Variants in FANCC observed in about 807,000 individuals in gnomAD.
FANCC encodes the protein Fanconi anemia group C protein.
FANCC carries 55 observed loss-of-function variants against 71.3 expected under a neutral mutation model. The observed-to-expected ratio is 0.77, with a 90% CI of 0.62 to 0.97. FANCC has a LOEUF of 0.97. Among genes scored for constraint, FANCC ranks in the 50% least tolerant of loss-of-function variants. FANCC has a pLI of 0.00. For missense variants in FANCC, 678 were observed against 670.9 expected (o/e 1.01, Z -0.12); for synonymous variants, 275 against 244.9 (o/e 1.12, Z -1.15).
intron 6 of FANCC, among the ~76,000 whole-genome samples, chr9:95,160,711 T>C (rs1352229588): frequency 6.6e-6 from 1 of 152,212 alleles, no homozygotes; most frequent in Admixed American, 6.5e-5. Context: ...CCTTGAGCAG[T>C]GGTTTGTAGT....
At position 95,126,525 on chromosome 9, in the gene FANCC, T is replaced by G. The variant is rs1214530079; in HGVS notation, c.896+4A>C. ...ATTACTAGAAGAAACAGTGTAACGT[T>G]TACCTGAACATCTCATCAACAACCC... is the stretch of plus-strand genomic sequence containing the variant. On this transcript the variant is annotated splice_donor_region_variant and intron_variant, in intron 9 of 14. Transcript: ENST00000289081. The G allele has an allele frequency of 6.2e-7, 1 of 1,613,666 alleles. No homozygotes were observed. Among genetic ancestry groups the G allele is most frequent in the Non-Finnish European group, 8.5e-7 (1 of 1,179,730 alleles).
In FANCC at chr9:95,114,692, C is replaced by T; in HGVS notation, c.1091G>A (p.Trp364Ter). Residue 364 changes from tryptophan (W) to a stop codon, truncating the protein, a stop_gained, in exon 12 of 15, where the codon TGG becomes TAG. Coordinates refer to ENST00000289081, the MANE Select transcript of FANCC (RefSeq NM_000136.3). LOFTEE classifies it high-confidence loss of function. ...QDPQDIPRGH[W>*]LQTLKHISEL... ...AGAAATATGCTTCAGTGTCTGGAGC[C>T]AGTGTCCCCGAGGGATATCTGCGGG... The T allele has an allele frequency of 6.2e-7, 1 of 1,614,080 alleles. No homozygotes were observed. Among genetic ancestry groups the T allele is most frequent in the Non-Finnish European group, 8.5e-7 (1 of 1,179,946 alleles).
At chr9:95,234,089 A>T (rs1490914787) in intron 4 of FANCC, among the ~76,000 whole-genome samples, 1 of 152,232 alleles carries the variant, frequency 6.6e-6, no homozygotes. Context: ...CCCTGCAAAG[A>T]AGTCAGAGAT....
At chr9:95,222,129 G>C (rs923881845) in intron 4 of FANCC, among the ~76,000 whole-genome samples, 3 of 129,380 alleles carry the variant, frequency 2.3e-5, no homozygotes, top group African/African-American at 8.9e-5. Context: ...AGATGTTTAA[G>C]TCCAGCCTGA....
intron 6 of FANCC, 28 bp from the exon 7 acceptor site, chr9:95,150,115 C>T: frequency 6.2e-7 from 1 of 1,612,890 alleles, no homozygotes; most frequent in Non-Finnish European, 8.5e-7. Context: ...AATAATCACT[C>T]AAATCTAAGA....
chr9:95,161,350 A>C (rs564010004), intron 6 of FANCC, among the ~76,000 whole-genome samples: 51 of 152,340 alleles, frequency 3.3e-4, no homozygotes, highest in Admixed American at 1.8e-3. Context: ...GAGTCCTCTA[A>C]GGCCCAGAAT....
intron 1 of FANCC, chr9:95,293,693 G>A: frequency 1.2e-6 from 2 of 1,613,940 alleles, no homozygotes; most frequent in Non-Finnish European, 1.7e-6. Flanking sequence ...ATTCTCAAGT[G>A]TCTCTTCCCA....
intron 1 of FANCC, among the ~76,000 whole-genome samples, chr9:95,285,568 T>C (rs1384637927): frequency 2.0e-5 from 3 of 152,050 alleles, no homozygotes; most frequent in African/African-American, 4.8e-5. Context: ...AAATCAGTGA[T>C]TAAAAAATAC....
chr9:95,155,843 C>A (rs1461350548), intron 6 of FANCC, among the ~76,000 whole-genome samples: 1 of 151,834 alleles, frequency 6.6e-6, no homozygotes, highest in Admixed American at 6.6e-5. Context: ...CTCAGCCTCC[C>A]TAGTAGCTGG....
intron 13 of FANCC, among the ~76,000 whole-genome samples, chr9:95,107,906 C>CT (rs2071584966): frequency 6.6e-6 from 1 of 152,204 alleles, no homozygotes; most frequent in Non-Finnish European, 1.5e-5. Flanking sequence ...AATTATAAGT[C>CT]TGCAGGTTGC....
chr9:95,266,531 A>G (rs1832395119), intron 1 of FANCC, among the ~76,000 whole-genome samples: 1 of 152,180 alleles, frequency 6.6e-6, no homozygotes, highest in Non-Finnish European at 1.5e-5. Context: ...CTTTTATAAT[A>G]TCTCCCTATA....
chr9:95,293,811 T>A (rs1834207449), intron 1 of FANCC: 5 of 1,613,612 alleles, frequency 3.1e-6, no homozygotes, highest in Non-Finnish European at 4.2e-6. Context: ...TGGGGTCTCC[T>A]GAGAAACTCA....
chr9:95,213,358 TAAG>T (rs1396542807), intron 4 of FANCC, among the ~76,000 whole-genome samples: 2 of 152,014 alleles, frequency 1.3e-5, no homozygotes, highest in African/African-American at 4.8e-5. Context: ...AAACAGTCCC[TAAG>T]AAGAACTAAG....
At position 95,258,684 on chromosome 9, in the gene FANCC, G is replaced by A. The variant is rs528567601; in HGVS notation, c.-78-9315C>T. On this transcript the variant is annotated intron_variant, in intron 1 of 14. Transcript: ENST00000289081. ...TGTTCAACATAGTATCGGAAATTCT[G>A]GCCAGGGCAATCAGGCAAGATAAAG... Among the ~76,000 whole-genome samples, 180 of 152,256 alleles carry A rather than the reference G, an allele frequency of 1.2e-3. 3 individuals are homozygous for A. Among genetic ancestry groups the A allele is most frequent in the Middle Eastern group, 6.8e-3 (2 of 294 alleles).
At chr9:95,141,172 C>T (rs754353126) in intron 7 of FANCC, among the ~76,000 whole-genome samples, 1 of 151,660 alleles carries the variant, frequency 6.6e-6, no homozygotes, top group Non-Finnish European at 1.5e-5. Context: ...ATTAGCAAGG[C>T]ATGGTGGCAC....
intron 14 of FANCC, among the ~76,000 whole-genome samples, chr9:95,104,652 TA>T (rs1283734917): frequency 6.6e-6 from 1 of 152,134 alleles, no homozygotes; most frequent in African/African-American, 2.4e-5. Flanking sequence ...GGCATCAGGA[TA>T]ACTGAAGCAG....
chr9:95,124,039 G>C (rs1269188476), intron 10 of FANCC, among the ~76,000 whole-genome samples: 2 of 146,456 alleles, frequency 1.4e-5, no homozygotes, highest in Non-Finnish European at 3.0e-5. Flanking sequence ...GGGGGGTTGA[G>C]ACTGCAGTAA....
Position 95,101,566 on chromosome 9 carries a change from G to T in FANCC, c.*141C>A. The T allele has an allele frequency of 1.0e-6, 1 of 999,044 alleles. No homozygotes were observed. Among genetic ancestry groups the T allele is most frequent in the Non-Finnish European group, 1.5e-6 (1 of 662,010 alleles). 61.9% of individuals were successfully genotyped at this position (999,044 alleles called of 1,614,324 possible). ...TTTGTAAAATAGATACTAGCAGATTGTCCCAAGATGTGTACAGCTCATTCT... is the reference window on the plus strand; with the variant it reads ...TTTGTAAAATAGATACTAGCAGATTTTCCCAAGATGTGTACAGCTCATTCT... On this transcript the variant is annotated 3_prime_UTR_variant, in exon 15 of 15. Coordinates refer to ENST00000289081, the MANE Select transcript of FANCC (RefSeq NM_000136.3).
At chr9:95,199,063 A>AT (rs1564745470) in intron 4 of FANCC, among the ~76,000 whole-genome samples, 5 of 152,072 alleles carry the variant, frequency 3.3e-5, no homozygotes, top group Admixed American at 6.5e-5. Context: ...CAATATATGA[A>AT]TTTTTTTTGA....
Sources: allele counts gnomAD v4.1 joint callset (sites outside exome capture counted in the v4.1 genomes callset), GRCh38; gene constraint gnomAD v4.1.1; transcripts MANE v1.5; gene names NCBI Gene and HGNC (gene_info 2026-07-23, HGNC 2026-07-21).